The following TTC23L variants were observed in gnomAD, a reference collection of about 807,000 sequenced individuals.
TTC23L encodes the protein tetratricopeptide repeat protein 23-like.
A neutral mutation model predicts 48.1 loss-of-function variants in TTC23L; 42 were observed. The ratio of observed to expected loss-of-function variants is 0.87; its 90% CI spans 0.68 to 1.13. The LOEUF is 1.13. Among genes scored for constraint, TTC23L ranks in the 50% most tolerant of loss-of-function variants. TTC23L has a pLI of 0.00. For missense variants in TTC23L, 391 were observed against 421.0 expected (o/e 0.93, Z 0.62); for synonymous variants, 159 against 157.2 (o/e 1.01, Z -0.09).
intron 8 of TTC23L, among the ~76,000 whole-genome samples, chr5:34,874,830 T>A (rs1389028742): frequency 6.6e-6 from 1 of 151,992 alleles, no homozygotes; most frequent in Non-Finnish European, 1.5e-5. Flanking sequence ...AATAGAAAAG[T>A]AACAATATGG....
chr5:34,851,980 C>T (rs186783515), intron 4 of TTC23L, among the ~76,000 whole-genome samples: 2 of 152,012 alleles, frequency 1.3e-5, no homozygotes, highest in Non-Finnish European at 2.9e-5. Flanking sequence ...GGAAGGCTGC[C>T]GAGAGAAAGT....
chr5:34,910,150 A>T, the TTC23L span, among the ~76,000 whole-genome samples: 2 of 152,156 alleles, frequency 1.3e-5, no homozygotes, highest in African/African-American at 4.8e-5. Flanking sequence ...GCAGGTACTT[A>T]AAATTTAACA....
chr5:34,925,107 A>G, the TTC23L span: 1 of 1,441,128 alleles, frequency 6.9e-7, no homozygotes, highest in East Asian at 2.5e-5. Flanking sequence ...CTTGGAAATT[A>G]CTCCCTTTTT....
Position 34,845,542 on chromosome 5 carries a change from G to A in TTC23L, c.124G>A (p.Gly42Ser), listed in dbSNP as rs748212978. The A allele has an allele frequency of 3.1e-5, 50 of 1,613,894 alleles. No individual in the cohort carries two copies. Among genetic ancestry groups the A allele is most frequent in the South Asian group, 4.4e-5 (4 of 91,058 alleles). ...GCAAACAGATGAGTTGTATCCCACTGGTGGGTGTGGAGAGAGTGAAGAGGA... is the reference window on the plus strand; with the variant it reads ...GCAAACAGATGAGTTGTATCCCACTAGTGGGTGTGGAGAGAGTGAAGAGGA... The change falls in exon 3 of 11, where the codon GGT becomes AGT. Residue 42 changes from glycine (G) to serine (S), a missense_variant. By Grantham distance (56) the Gly-to-Ser change is moderately conservative. Transcript: ENST00000505624.
At chr5:34,922,525 T>C in the TTC23L span, 6 of 1,577,678 alleles carry the variant, frequency 3.8e-6, no homozygotes, top group African/African-American at 1.3e-5. Context: ...AAAAGCTTAC[T>C]CCATATCTTT....
chr5:34,868,972 TG>T lies in TTC23L; in HGVS notation c.910del (p.Ala304ProfsTer21). 7.4e-6 allele frequency: 12 copies of T among 1,611,044 alleles called. No individual in the cohort carries two copies. The highest frequency in any genetic ancestry group is 1.0e-5 in the Non-Finnish European group (12 of 1,178,614). On this transcript the variant is annotated frameshift_variant, in exon 8 of 11. Transcript: ENST00000505624. LOFTEE classifies it high-confidence loss of function. Reference sequence around the variant, plus strand: ...AAAACTGCAGAAATGAGTGCGTTACTGGCCAAAGCTTATGCCATGTCTGGAG... The same window carrying T: ...AAAACTGCAGAAATGAGTGCGTTACTGCCAAAGCTTATGCCATGTCTGGAG...
chr5:34,864,303 TAAAG>T, intron 5 of TTC23L, 130 bp from the exon 6 acceptor site: 1 of 1,102,892 alleles, frequency 9.1e-7, no homozygotes, highest in Non-Finnish European at 1.3e-6. Context: ...ACATGGAAAA[TAAAG>T]AACATAGTTA....
the TTC23L span, chr5:34,925,469 A>G: frequency 6.2e-7 from 1 of 1,613,034 alleles, no homozygotes; most frequent in Non-Finnish European, 8.5e-7. Flanking sequence ...AATGAAACAG[A>G]GGATGGACAG....
the TTC23L span, among the ~76,000 whole-genome samples, chr5:34,919,212 G>A: frequency 1.4e-5 from 2 of 148,078 alleles, no homozygotes; most frequent in East Asian, 2.0e-4. Context: ...GGAGTTCAAG[G>A]CTGTCATGAG....
At chr5:34,917,891 G>A in the TTC23L span, among the ~76,000 whole-genome samples, 1 of 152,090 alleles carries the variant, frequency 6.6e-6, no homozygotes, top group Non-Finnish European at 1.5e-5. Flanking sequence ...AGAGATTGAA[G>A]TTGAAAAACA....
exon 6 of TTC23L, chr5:34,864,440 C>T (rs1760901913): frequency 6.2e-7 from 1 of 1,613,400 alleles, no homozygotes; most frequent in African/African-American, 1.3e-5. Context: ...ATTTCACTGG[C>T]AGAGAAGCCT....
chr5:34,841,016 AG>A (rs1758620034), intron 2 of TTC23L, among the ~76,000 whole-genome samples: 1 of 152,106 alleles, frequency 6.6e-6, no homozygotes, highest in African/African-American at 2.4e-5. Context: ...ACTGCACTCC[AG>A]TCTGGGCAAT....
downstream of TTC23L, among the ~76,000 whole-genome samples, chr5:34,900,052 G>C (rs774075599): frequency 6.6e-6 from 1 of 152,004 alleles, no homozygotes; most frequent in Non-Finnish European, 1.5e-5. Flanking sequence ...TTTCAGTTCT[G>C]ACTTTTTAAA....
rs1341628619 is a variant in TTC23L at position 34,854,605 on chromosome 5, G to GGCGGATGTGTGTGTCTGTGTGC, written c.379+4299_379+4320dup. On this transcript the variant is annotated intron_variant, in intron 4 of 10. Transcript: ENST00000505624. ...AATATATAAGCTGGCCTCCTGTGTAGGCGGATGTGTGTGTCTGTGTGCGTT... is the reference window on the plus strand; with the variant it reads ...AATATATAAGCTGGCCTCCTGTGTAGGCGGATGTGTGTGTCTGTGTGCGCGGATGTGTGTGTCTGTGTGCGTT... Among the ~76,000 whole-genome samples the GGCGGATGTGTGTGTCTGTGTGC allele has an allele frequency of 2.0e-5, 3 of 152,298 alleles. No homozygotes were observed. In the East Asian group the frequency reaches 5.8e-4, roughly 29 times the overall value.
At chr5:34,840,717 G>A (rs1758582043) in exon 2 of TTC23L, 2 of 1,613,744 alleles carry the variant, frequency 1.2e-6, no homozygotes, top group African/African-American at 1.3e-5. Context: ...CAATGACATC[G>A]ACTGGGATTT....
intron 9 of TTC23L, among the ~76,000 whole-genome samples, chr5:34,885,575 T>C (rs929307651): frequency 3.3e-5 from 5 of 151,990 alleles, no homozygotes; most frequent in African/African-American, 1.2e-4. Flanking sequence ...TGGGACCCCA[T>C]TTCTACAATA....
Position 34,850,435 on chromosome 5 carries a change from A to G in TTC23L, c.379+127A>G. 1.4e-5 allele frequency: 16 copies of G among 1,141,062 alleles called. No homozygotes were observed. In the South Asian group the frequency reaches 2.3e-4, roughly 17 times the overall value. 70.7% of individuals were successfully genotyped at this position (1,141,062 alleles called of 1,614,324 possible). The stretch of plus-strand genomic sequence containing the variant: ...TGCCCCTAGCTCACACATTATCAGG[A>G]AGGAAAGTCCATGGATGAGGGAGAC... On this transcript the variant is annotated intron_variant, in intron 4 of 10. Coordinates refer to ENST00000505624, the Ensembl canonical transcript of TTC23L.
chr5:34,900,135 G>A (rs531135355), downstream of TTC23L, among the ~76,000 whole-genome samples: 3 of 152,216 alleles, frequency 2.0e-5, no homozygotes, highest in Non-Finnish European at 1.5e-5. Context: ...AACAATGCAG[G>A]GGCTAGGGCT....
chr5:34,839,554 G>A, intron 1 of TTC23L: 1 of 853,460 alleles, frequency 1.2e-6, no homozygotes. Context: ...TGAGAGATCA[G>A]AACTCTTTGC....
Sources: gnomAD v4.1 joint callset for allele counts (sites outside exome capture counted in the v4.1 genomes callset) on GRCh38, gnomAD v4.1.1 for gene constraint, MANE v1.5 for transcripts, NCBI Gene and HGNC (gene_info 2026-07-23, HGNC 2026-07-21) for gene names.